The following KIF16B variants were observed in gnomAD, a reference collection of about 807,000 sequenced individuals.
KIF16B encodes the protein kinesin-like protein KIF16B.
Under a neutral mutation model 156.3 loss-of-function variants are expected in KIF16B, and 98 were observed. That is an observed-to-expected ratio of 0.63 (90% confidence interval 0.53 to 0.74). KIF16B has a LOEUF of 0.74. Among genes scored for constraint, KIF16B ranks in the 30% least tolerant of loss-of-function variants. The pLI, the probability that KIF16B is intolerant of heterozygous loss-of-function variation, is 0.00. For synonymous variants in KIF16B, 564 were observed against 583.7 expected (o/e 0.97, Z 0.49); for missense variants, 1,421 against 1,606.5 (o/e 0.88, Z 1.97).
chr20:16,508,020 C>T lies in KIF16B; in HGVS notation c.637G>A (p.Ala213Thr), dbSNP rs920742631. Residue 213 changes from alanine to threonine, a missense_variant, in exon 7 of 26, where the codon GCG (alanine) becomes ACG (threonine). Physicochemically the swap from Ala to Thr is moderately conservative, Grantham distance 58. Transcript: ENST00000354981. ...DAGNINRTTA[A>T]TGMNDVSSRS... Reference sequence around the variant, plus strand: ...CTACTGACGTCGTTCATCCCAGTCGCTGCGGTGGTCCGGTTGATATTGCCC... The same window carrying T: ...CTACTGACGTCGTTCATCCCAGTCGTTGCGGTGGTCCGGTTGATATTGCCC... 5 of 1,614,072 alleles carry T rather than the reference C, an allele frequency of 3.1e-6. No individual in the cohort carries two copies. The African/African-American group carries it at 6.7e-5, about 22-fold the overall frequency.
chr20:16,402,519 G>A (rs533836598), intron 17 of KIF16B, among the ~76,000 whole-genome samples: 1 of 152,206 alleles, frequency 6.6e-6, no homozygotes, highest in Non-Finnish European at 1.5e-5. Flanking sequence ...AAGGGACATT[G>A]ATTTTTGGTT....
At chr20:16,402,074 A>G (rs1367161868) in intron 17 of KIF16B, among the ~76,000 whole-genome samples, 1 of 151,848 alleles carries the variant, frequency 6.6e-6, no homozygotes, top group Non-Finnish European at 1.5e-5. Context: ...CTTCTTGCTT[A>G]CTATATCCCA....
chr20:16,408,048 G>A (rs2065830896), intron 15 of KIF16B, among the ~76,000 whole-genome samples: 1 of 152,094 alleles, frequency 6.6e-6, no homozygotes, highest in Non-Finnish European at 1.5e-5. Flanking sequence ...ATCTTCACCT[G>A]GGCCCTGCAG....
chr20:16,517,861 A>G (rs544132229), intron 3 of KIF16B, among the ~76,000 whole-genome samples: 1 of 152,242 alleles, frequency 6.6e-6, no homozygotes, highest in African/African-American at 2.4e-5. Flanking sequence ...AAAACTTTTC[A>G]AAGAATAAAG....
At chr20:16,375,624 T>G (rs1163976928) in intron 19 of KIF16B, among the ~76,000 whole-genome samples, 1 of 148,206 alleles carries the variant, frequency 6.7e-6, no homozygotes. Context: ...AAAAATGATG[T>G]CAGAGGCCTG....
At chr20:16,396,656 T>C (rs1471838165) in intron 17 of KIF16B, among the ~76,000 whole-genome samples, 2 of 150,904 alleles carry the variant, frequency 1.3e-5, no homozygotes, top group African/African-American at 4.8e-5. Context: ...CGCTTTTTTT[T>C]TTTTTTTTTG....
At chr20:16,348,475 G>A (rs1208921888) in intron 23 of KIF16B, among the ~76,000 whole-genome samples, 1 of 152,140 alleles carries the variant, frequency 6.6e-6, no homozygotes, top group East Asian at 1.9e-4. Flanking sequence ...AAAATGCCTT[G>A]GGTAAAGAAG....
At chr20:16,288,154 C>T (rs6043859) in intron 25 of KIF16B, among the ~76,000 whole-genome samples, 61,483 of 152,052 alleles carry the variant, frequency 0.4, 12,469 homozygotes, top group Non-Finnish European at 0.43. Flanking sequence ...AGCTCTAATG[C>T]AGCACCATGA....
intron 18 of KIF16B, among the ~76,000 whole-genome samples, 156 bp downstream of exon 18, chr20:16,381,538 A>T (rs1271304572): frequency 6.6e-6 from 1 of 152,076 alleles, no homozygotes; most frequent in Non-Finnish European, 1.5e-5. Flanking sequence ...CAAAAAAAAA[A>T]AAAAAAGACC....
At chr20:16,472,802 C>T (rs1043146341) in intron 12 of KIF16B, among the ~76,000 whole-genome samples, 5 of 152,144 alleles carry the variant, frequency 3.3e-5, no homozygotes, top group Admixed American at 3.3e-4. Flanking sequence ...ATTCTATGTG[C>T]CACTACCATG....
At chr20:16,287,086 G>T (rs2063233532) in intron 25 of KIF16B, among the ~76,000 whole-genome samples, 1 of 152,176 alleles carries the variant, frequency 6.6e-6, no homozygotes, top group South Asian at 2.1e-4. Flanking sequence ...TTGTTTTTAA[G>T]GTGCCAAGTT....
intron 25 of KIF16B, among the ~76,000 whole-genome samples, chr20:16,292,099 G>A (rs1601506236): frequency 6.6e-6 from 1 of 152,210 alleles, no homozygotes; most frequent in East Asian, 1.9e-4. Context: ...ATATGAAGCA[G>A]GTGATCTCAA....
intron 19 of KIF16B, 118 bp downstream of exon 19, chr20:16,378,686 GA>G: frequency 9.4e-7 from 1 of 1,065,022 alleles, no homozygotes; most frequent in Admixed American, 2.5e-5. Flanking sequence ...ATGTATTAAA[GA>G]ATATGAAGGC....
rs1600373507 is a variant in KIF16B, at chr20:16,429,112, C to A, written c.1423-108G>T. On this transcript the variant is annotated intron_variant, in intron 13 of 25. Transcript: ENST00000354981. ...ACATAGTGGCCAATGGGATGAACAACATCCTGGCAGGCCACAGCTTCAATG... is the reference window on the plus strand; with the variant it reads ...ACATAGTGGCCAATGGGATGAACAAAATCCTGGCAGGCCACAGCTTCAATG... 3.3e-6 allele frequency: 3 copies of A among 908,990 alleles called. No individual in the cohort carries two copies. The East Asian group carries it at 7.5e-5, about 23-fold the overall frequency. 56.3% of individuals were successfully genotyped at this position (908,990 alleles called of 1,614,324 possible). A position where few individuals can be genotyped will look rare whatever the true frequency, so the allele number is the denominator to read the frequency against.
chr20:16,280,544 T>C (rs1319292747), intron 25 of KIF16B, among the ~76,000 whole-genome samples: 3 of 152,116 alleles, frequency 2.0e-5, no homozygotes, highest in Non-Finnish European at 2.9e-5. Context: ...TTCATGAGCT[T>C]ATGTGAGCCC....
intron 1 of KIF16B, among the ~76,000 whole-genome samples, chr20:16,529,171 AG>A (rs141200263): frequency 0.041 from 6,217 of 152,326 alleles, 178 homozygotes; most frequent in Middle Eastern, 0.095. Flanking sequence ...ATTTTTCAAA[AG>A]GCTACCTAGG....
chr20:16,483,382 A>G (rs2068031595), intron 12 of KIF16B, among the ~76,000 whole-genome samples: 1 of 152,238 alleles, frequency 6.6e-6, no homozygotes, highest in East Asian at 1.9e-4. Flanking sequence ...GCTACCTGAT[A>G]AAATACGTCT....
intron 12 of KIF16B, among the ~76,000 whole-genome samples, chr20:16,493,680 C>T (rs1488033946): frequency 6.6e-6 from 1 of 152,200 alleles, no homozygotes; most frequent in Non-Finnish European, 1.5e-5. Context: ...CAGAGGTTGT[C>T]TGCCAACTCA....
chr20:16,469,758 G>C (rs2067605571), intron 12 of KIF16B, among the ~76,000 whole-genome samples: 1 of 152,160 alleles, frequency 6.6e-6, no homozygotes, highest in South Asian at 2.1e-4. Context: ...TTGCAAGACA[G>C]TTCGGCAATT....
Sources: allele counts gnomAD v4.1 joint callset (sites outside exome capture counted in the v4.1 genomes callset), GRCh38; gene constraint gnomAD v4.1.1; transcripts MANE v1.5; gene names NCBI Gene and HGNC (gene_info 2026-07-23, HGNC 2026-07-21).